Variants in GOLIM4 observed in about 807,000 individuals in gnomAD.
The protein encoded by GOLIM4 is 130 kDa golgi-localized phosphoprotein.
GOLIM4 carries 71 observed loss-of-function variants against 107.4 expected under a neutral mutation model. The observed-to-expected ratio is 0.66, with a 90% confidence interval of 0.55 to 0.81. The LOEUF is 0.81. GOLIM4 is among the 30% of genes least tolerant of loss of function. GOLIM4 has a pLI of 0.00. For missense variants in GOLIM4, 830 were observed against 826.1 expected (o/e 1.00, Z -0.06); for synonymous variants, 327 against 294.8 (o/e 1.11, Z -1.12).
intron 1 of GOLIM4, 94 bp downstream of exon 1, chr3:168,095,005 A>G: frequency 2.2e-6 from 2 of 929,134 alleles, no homozygotes; most frequent in South Asian, 3.2e-5. Flanking sequence ...GGTGGCAACC[A>G]CAGTGCCAAT....
intron 1 of GOLIM4, among the ~76,000 whole-genome samples, chr3:168,060,009 T>C (rs1720173847): frequency 6.6e-6 from 1 of 151,502 alleles, no homozygotes; most frequent in South Asian, 2.1e-4. Flanking sequence ...AGTCAAAGCA[T>C]AAGGGAAGGG....
chr3:168,024,276 CCTT>C (rs1717872460), intron 14 of GOLIM4, among the ~76,000 whole-genome samples: 1 of 152,150 alleles, frequency 6.6e-6, no homozygotes, highest in South Asian at 2.1e-4. Context: ...AAGCCAAATG[CCTT>C]CTTAATTCAA....
chr3:168,047,438 G>C (rs1165851082), intron 2 of GOLIM4, among the ~76,000 whole-genome samples: 2 of 152,076 alleles, frequency 1.3e-5, no homozygotes, highest in African/African-American at 2.4e-5. Context: ...TTATCCACTA[G>C]ATGGCTCTAT....
At chr3:168,025,966 A>G (rs1055296714) in intron 12 of GOLIM4, among the ~76,000 whole-genome samples, 19 of 152,182 alleles carry the variant, frequency 1.2e-4, no homozygotes, top group South Asian at 6.2e-4. Flanking sequence ...AGCTTCCCCA[A>G]TCACTCGCAG....
At chr3:168,010,892 A>G in intron 14 of GOLIM4, 69 bp from the exon 15 acceptor site, 2 of 1,039,610 alleles carry the variant, frequency 1.9e-6, no homozygotes, top group East Asian at 2.4e-5. Context: ...ATATTTTGAC[A>G]CTGTTATCAT....
intron 1 of GOLIM4, among the ~76,000 whole-genome samples, chr3:168,076,744 C>A (rs1721104356): frequency 6.6e-6 from 1 of 152,156 alleles, no homozygotes; most frequent in African/African-American, 2.4e-5. Flanking sequence ...TCATCTTTTG[C>A]TGCTAAAATC....
intron 1 of GOLIM4, 60 bp from the exon 2 acceptor site, chr3:168,048,425 C>A: frequency 1.3e-6 from 1 of 778,400 alleles, no homozygotes; most frequent in Non-Finnish European, 2.1e-6. Flanking sequence ...CTAAAATTAA[C>A]ATCAATTTTT....
At chr3:168,052,856 G>A (rs1268927979) in intron 1 of GOLIM4, among the ~76,000 whole-genome samples, 1 of 152,074 alleles carries the variant, frequency 6.6e-6, no homozygotes, top group Non-Finnish European at 1.5e-5. Flanking sequence ...GCTATATATT[G>A]AATATTCTCA....
At chr3:168,033,036 T>C (rs1438312934) in intron 8 of GOLIM4, among the ~76,000 whole-genome samples, 184 bp from the exon 9 acceptor site, 2 of 152,160 alleles carry the variant, frequency 1.3e-5, no homozygotes, top group African/African-American at 4.8e-5. Flanking sequence ...ATCTCACTTA[T>C]AAAATAGACA....
chr3:168,030,595 T>C (rs1237818382), intron 9 of GOLIM4, among the ~76,000 whole-genome samples: 2 of 151,254 alleles, frequency 1.3e-5, no homozygotes, highest in Admixed American at 6.6e-5. Context: ...TAAGAATGGC[T>C]GAGAAGATGG....
At chr3:168,072,101 C>G (rs1400077633) in intron 1 of GOLIM4, among the ~76,000 whole-genome samples, 1 of 152,174 alleles carries the variant, frequency 6.6e-6, no homozygotes, top group Non-Finnish European at 1.5e-5. Context: ...GATCACGCCC[C>G]AAATTGCACT....
At chr3:168,075,699 C>A (rs947690326) in intron 1 of GOLIM4, among the ~76,000 whole-genome samples, 1 of 152,144 alleles carries the variant, frequency 6.6e-6, no homozygotes, top group South Asian at 2.1e-4. Context: ...TCAAAACACA[C>A]CTGCTTTTCT....
At chr3:168,052,328 A>G (rs1719694060) in intron 1 of GOLIM4, among the ~76,000 whole-genome samples, 1 of 152,036 alleles carries the variant, frequency 6.6e-6, no homozygotes, top group Non-Finnish European at 1.5e-5. Context: ...CAAAGTAATC[A>G]TATGTATGTG....
intron 11 of GOLIM4, among the ~76,000 whole-genome samples, 170 bp downstream of exon 11, chr3:168,029,053 T>C (rs1438996357): frequency 6.6e-6 from 1 of 152,212 alleles, no homozygotes; most frequent in African/African-American, 2.4e-5. Flanking sequence ...CATTTTTCAC[T>C]ACCAGCATGT....
At position 168,076,528 on chromosome 3, in the gene GOLIM4, C is replaced by T. The variant is rs370610699; in HGVS notation, c.187+18571G>A. Reference sequence around the variant, plus strand: ...CCAACATGGTGAAACTCCGTCTCTACTAAAAATACAAAATTAGCTGGGCGT... The same window carrying T: ...CCAACATGGTGAAACTCCGTCTCTATTAAAAATACAAAATTAGCTGGGCGT... On this transcript the variant is annotated intron_variant, in intron 1 of 15. Coordinates refer to ENST00000470487, the MANE Select transcript of GOLIM4 (RefSeq NM_014498.5). Among the ~76,000 whole-genome samples the T allele has an allele frequency of 2.6e-5, 4 of 152,314 alleles. No homozygotes were observed. The East Asian group carries it at 5.8e-4, about 22-fold the overall frequency.
chr3:168,068,647 G>T (rs2420817), intron 1 of GOLIM4, among the ~76,000 whole-genome samples: 2 of 150,692 alleles, frequency 1.3e-5, no homozygotes, highest in African/African-American at 4.9e-5. Context: ...AATTTAAAAT[G>T]GAAATAAGAA....
chr3:168,054,712 C>T (rs1350456039), intron 1 of GOLIM4, among the ~76,000 whole-genome samples: 1 of 152,048 alleles, frequency 6.6e-6, no homozygotes, highest in African/African-American at 2.4e-5. Flanking sequence ...CACAAAAGAA[C>T]AGAACCTCGA....
rs1171270719 is a variant in GOLIM4 at position 168,014,964 on chromosome 3, C to G, written c.1861-4141G>C. 4.0e-5 allele frequency among the ~76,000 whole-genome samples: 6 copies of G among 150,560 alleles called. 1 individual carries two copies. Among genetic ancestry groups the G allele is most frequent in the Admixed American group, 4.0e-4 (6 of 15,176 alleles). On this transcript the variant is annotated intron_variant, in intron 14 of 15. Transcript: ENST00000470487. ...AATGGGCAAAAACTGGAAGCATTCC[C>G]TCTGAAAACTGGCACAAGACAGGGA... is the stretch of plus-strand genomic sequence containing the variant.
At chr3:168,075,655 A>T (rs35239452) in intron 1 of GOLIM4, among the ~76,000 whole-genome samples, 60,166 of 151,960 alleles carry the variant, frequency 0.4, 12,867 homozygotes, top group Middle Eastern at 0.54. Context: ...CTCTGGAAAT[A>T]TTCTGAGCAA....
Sources: gnomAD v4.1 joint callset for allele counts (sites outside exome capture counted in the v4.1 genomes callset) on GRCh38, gnomAD v4.1.1 for gene constraint, MANE v1.5 for transcripts, NCBI Gene and HGNC (gene_info 2026-07-23, HGNC 2026-07-21) for gene names.